Variants in IL32 observed in about 807,000 individuals in gnomAD.
IL32 encodes interleukin-32.
In IL32, 30 loss-of-function variants were observed where a neutral mutation model predicts 16.6. The observed-to-expected ratio is 1.81, with a 90% CI of 1.35 to 2.45. The LOEUF (loss-of-function observed/expected upper bound fraction) is 2.45. Ranked by LOEUF, IL32 falls within the 30% of genes most tolerant of loss-of-function variation. The probability of loss-of-function intolerance (pLI) is 0.00; values close to 1 mark genes in which losing one functional copy is unlikely to be tolerated. For synonymous variants in IL32, 70 were observed against 86.1 expected (o/e 0.81, Z 1.03); for missense variants, 234 against 229.8 (o/e 1.02, Z -0.12).
intron 2 of IL32, among the ~76,000 whole-genome samples, chr16:3,066,414 C>T (rs764276397): frequency 5.3e-5 from 8 of 152,228 alleles, no homozygotes; most frequent in African/African-American, 1.2e-4. Context: ...ATCAGGCTAG[C>T]GGGATGGGAC....
In IL32 at chr16:3,065,808, C is replaced by G; in HGVS notation, c.-4C>G. 6.2e-7 allele frequency: 1 copy of G among 1,614,132 alleles called. No individual in the cohort carries two copies. Among genetic ancestry groups the G allele is most frequent in the South Asian group, 1.1e-5 (1 of 91,084 alleles). On this transcript the variant is annotated 5_prime_UTR_variant, in exon 2 of 7. Transcript: ENST00000525643. ...GGCCTTGGCTCCTTGAACTTTTGGC[C>G]GCCATGTGCTTCCCGAAGGTGAGTG...
chr16:3,067,216 T>C (rs1241880734), intron 2 of IL32, among the ~76,000 whole-genome samples, 161 bp from the exon 3 acceptor site: 1 of 151,776 alleles, frequency 6.6e-6, no homozygotes, highest in Non-Finnish European at 1.5e-5. Flanking sequence ...TTCCAGGCTG[T>C]GAGGGGCTCC....
rs762911988 is a variant in IL32 at position 3,069,059 on chromosome 16, G to C, written c.271G>C (p.Asp91His). The change falls in exon 7 of 7, where the codon GAT (aspartate) becomes CAT (histidine). Residue 91 changes from aspartate to histidine, a missense_variant. This residue lies in a region of IL32 where 44 missense variants were observed against 103.1 expected (regional missense o/e 0.43). Coordinates refer to ENST00000525643, the MANE Select transcript of IL32 (RefSeq NM_001376923.1). ...RCRGNRSPVPDVEDPATEEPG... is the reference protein window; with the variant it reads ...RCRGNRSPVPHVEDPATEEPG... Reference sequence around the variant, plus strand: ...CCGAGGCAACAGATCCCCTGTCCCGGATGTTGAGGATCCCGCAACCGAGGA... The same window carrying C: ...CCGAGGCAACAGATCCCCTGTCCCGCATGTTGAGGATCCCGCAACCGAGGA... 2.1e-5 allele frequency: 34 copies of C among 1,607,432 alleles called. No individual in the cohort carries two copies. The African/African-American group carries it at 4.4e-4, about 21-fold the overall frequency.
chr16:3,068,008 G>A lies in IL32; in HGVS notation c.139G>A (p.Glu47Lys), dbSNP rs140715128. Residue 47 changes from glutamate to lysine, a missense_variant and splice_region_variant, in exon 5 of 7, where the codon GAG becomes AAG. By Grantham distance (56) the Glu-to-Lys change is moderately conservative. This residue lies in a region of IL32 where 137 missense variants were observed against 80.7 expected (regional missense o/e 1.70). Transcript: ENST00000525643. ...GQVMSSLAEL[E>K]DDFKEGYLET... The stretch of plus-strand genomic sequence containing the variant: ...GGTGATGTCGAGCCTGGCAGAGCTG[G>A]AGGTGAGCCGTGGCCTCCCCCTCCA... 6.2e-7 allele frequency: 1 copy of A among 1,614,094 alleles called. No individual in the cohort carries two copies. The highest frequency in any genetic ancestry group is 8.5e-7 in the Non-Finnish European group (1 of 1,179,968).
At chr16:3,066,979 A>C (rs1596244516) in intron 2 of IL32, among the ~76,000 whole-genome samples, 2 of 93,686 alleles carry the variant, frequency 2.1e-5, no homozygotes, top group Non-Finnish European at 2.3e-5. Context: ...TCTTGTGAGG[A>C]GGGGTCACCT....
At chr16:3,067,947 G>C (rs1269981128) in intron 4 of IL32, 37 bp from the exon 5 acceptor site, 1 of 1,613,514 alleles carries the variant, frequency 6.2e-7, no homozygotes, top group Admixed American at 1.7e-5. Flanking sequence ...GTGCAGAGGA[G>C]GCTTGGGCCT....
At chr16:3,067,742 T>C in intron 4 of IL32, 129 bp downstream of exon 4, 1 of 876,250 alleles carries the variant, frequency 1.1e-6, no homozygotes, top group Admixed American at 2.1e-5. Flanking sequence ...CGTGGGCAAA[T>C]GCTTGCACCT....
chr16:3,067,822 G>C (rs1273871996), intron 4 of IL32, 162 bp from the exon 5 acceptor site: 1 of 904,476 alleles, frequency 1.1e-6, no homozygotes, highest in Admixed American at 2.1e-5. Context: ...CCAAGCCCCA[G>C]GGCTCCTTGA....
At chr16:3,066,170 G>C (rs1251496772) in intron 2 of IL32, among the ~76,000 whole-genome samples, 2 of 152,194 alleles carry the variant, frequency 1.3e-5, no homozygotes, top group South Asian at 2.1e-4. Flanking sequence ...CCAAGAGCAA[G>C]GCCTGTGTGG....
At chr16:3,068,152 T>A (rs777241239) in intron 5 of IL32, 28 bp from the exon 6 acceptor site, 6 of 1,604,092 alleles carry the variant, frequency 3.7e-6, no homozygotes, top group Non-Finnish European at 5.1e-6. Context: ...AGGAGCAGCA[T>A]GAACCCCCTG....
intron 2 of IL32, among the ~76,000 whole-genome samples, chr16:3,066,400 G>C (rs1044073828): frequency 1.3e-5 from 2 of 152,226 alleles, no homozygotes; most frequent in Non-Finnish European, 2.9e-5. Flanking sequence ...CTGGTTCCTG[G>C]GAAATCAGGC....
intron 6 of IL32, chr16:3,068,524 G>A: frequency 2.1e-6 from 1 of 468,106 alleles, no homozygotes; most frequent in Non-Finnish European, 3.9e-6. Context: ...TGTTTGCCAG[G>A]CTGGTCTTGA....
chr16:3,066,539 C>A (rs1337367294), intron 2 of IL32, among the ~76,000 whole-genome samples: 4 of 152,086 alleles, frequency 2.6e-5, no homozygotes, highest in African/African-American at 9.7e-5. Context: ...GGCATGTCAC[C>A]CCCGAGACTA....
chr16:3,067,420 T>G lies in IL32; in HGVS notation c.54+5T>G. ...AAGAAGCTGAAGGCCCGAATGGTAATGCTCCTCCCTACTTCTGCTCAGGGG... is the reference window on the plus strand; with the variant it reads ...AAGAAGCTGAAGGCCCGAATGGTAAGGCTCCTCCCTACTTCTGCTCAGGGG... On this transcript the variant is annotated splice_donor_5th_base_variant and intron_variant, in intron 3 of 6. Transcript: ENST00000525643. 2.5e-6 allele frequency: 4 copies of G among 1,591,636 alleles called. No homozygotes were observed. Among genetic ancestry groups the G allele is most frequent in the Non-Finnish European group, 3.4e-6 (4 of 1,168,244 alleles).
At chr16:3,067,280 T>TGTGC (rs1297847906) in intron 2 of IL32, 97 bp from the exon 3 acceptor site, 11 of 508,274 alleles carry the variant, frequency 2.2e-5, no homozygotes, top group African/African-American at 4.0e-5. Flanking sequence ...TCTGTGTGTG[T>TGTGC]GTGTGTGTGT....
chr16:3,066,703 G>A (rs538675342), intron 2 of IL32, among the ~76,000 whole-genome samples: 1 of 152,156 alleles, frequency 6.6e-6, no homozygotes, highest in Non-Finnish European at 1.5e-5. Context: ...GACCTACCTG[G>A]CACCCCAAAT....
In IL32 at chr16:3,068,297, T is replaced by C. The variant is rs1209075351; in HGVS notation, c.201+58T>C. The C allele has an allele frequency of 6.6e-6, 9 of 1,366,520 alleles. No individual in the cohort carries two copies. The African/African-American group carries it at 8.7e-5, about 13-fold the overall frequency. 84.6% of individuals were successfully genotyped at this position (1,366,520 alleles called of 1,614,324 possible). A position where few individuals can be genotyped will look rare whatever the true frequency, so the allele number is the denominator to read the frequency against. Reference sequence around the variant, plus strand: ...CTTCCTTCACCTCTGCCCTGTCTTTTCTTTCTTTCTTTCTTTTTGTTTATT... The same window carrying C: ...CTTCCTTCACCTCTGCCCTGTCTTTCCTTTCTTTCTTTCTTTTTGTTTATT... On this transcript the variant is annotated intron_variant, in intron 6 of 6. Transcript: ENST00000525643.
rs151244938 is a variant in IL32 at position 3,068,200 on chromosome 16, C to T, written c.162C>T (p.Tyr54=). 3 of 1,604,078 alleles carry T rather than the reference C, an allele frequency of 1.9e-6. No individual in the cohort carries two copies. The African/African-American group carries it at 4.0e-5, about 21-fold the overall frequency. ...AELEDDFKEG[Y]LETVAAYYEE... ...CCCAGGACGACTTCAAAGAGGGCTA[C>T]CTGGAGACAGTGGCGGCTTATTATG... Residue 54 remains tyrosine (Y), a synonymous_variant, in exon 6 of 7, where the codon TAC becomes TAT. Transcript: ENST00000525643.
intron 2 of IL32, among the ~76,000 whole-genome samples, chr16:3,066,878 T>TG (rs199974163): frequency 0.011 from 1,617 of 150,594 alleles, 16 homozygotes; most frequent in Non-Finnish European, 0.018. Flanking sequence ...TGTGTGTACA[T>TG]GGGGGGGTGT....
Sources: allele counts gnomAD v4.1 joint callset (sites outside exome capture counted in the v4.1 genomes callset), GRCh38; gene constraint gnomAD v4.1.1; regional missense constraint gnomAD v4.1.1; transcripts MANE v1.5; gene names NCBI Gene and HGNC (gene_info 2026-07-23, HGNC 2026-07-21).